The following ADAMTSL3 variants were observed in gnomAD, a reference collection of about 807,000 sequenced individuals.
ADAMTSL3 encodes the protein ADAMTS like 3.
ADAMTSL3 carries 128 observed loss-of-function variants against 201.7 expected under a neutral mutation model. That is an observed-to-expected ratio of 0.63 (90% CI 0.55 to 0.73). The LOEUF is 0.73. ADAMTSL3 is among the 30% of genes least tolerant of loss of function. ADAMTSL3 has a pLI of 0.00. For synonymous variants in ADAMTSL3, 738 were observed against 748.4 expected (o/e 0.99, Z 0.23); for missense variants, 1,990 against 2,119.6 (o/e 0.94, Z 1.20).
chr15:83,950,343 C>G (rs1400018928), intron 19 of ADAMTSL3, among the ~76,000 whole-genome samples: 1 of 152,036 alleles, frequency 6.6e-6, no homozygotes, highest in Non-Finnish European at 1.5e-5. Context: ...TCTGGGATCT[C>G]TACTCTGTTC....
At chr15:84,005,620 G>C (rs1339649603) in intron 23 of ADAMTSL3, among the ~76,000 whole-genome samples, 1 of 152,184 alleles carries the variant, frequency 6.6e-6, no homozygotes, top group Non-Finnish European at 1.5e-5. Flanking sequence ...GATATGTCTG[G>C]TGGCGTTAAA....
intron 21 of ADAMTSL3, among the ~76,000 whole-genome samples, chr15:83,986,778 A>G (rs2067485148): frequency 6.6e-6 from 1 of 152,232 alleles, no homozygotes; most frequent in Non-Finnish European, 1.5e-5. Flanking sequence ...AAGAAATCTC[A>G]ACTAGGAAGA....
At chr15:83,729,874 T>G (rs117927723) in intron 3 of ADAMTSL3, among the ~76,000 whole-genome samples, 1,785 of 152,180 alleles carry the variant, frequency 0.012, 22 homozygotes, top group Non-Finnish European at 0.018. Flanking sequence ...CTTCTCAGTT[T>G]GGGCTTGTTT....
intron 4 of ADAMTSL3, among the ~76,000 whole-genome samples, chr15:83,781,728 A>G (rs1450532795): frequency 6.6e-6 from 1 of 152,246 alleles, no homozygotes; most frequent in Non-Finnish European, 1.5e-5. Flanking sequence ...TTAAATTTAC[A>G]AGAAAAAAAC....
At chr15:83,732,662 T>C (rs531553970) in intron 3 of ADAMTSL3, among the ~76,000 whole-genome samples, 1 of 152,282 alleles carries the variant, frequency 6.6e-6, no homozygotes, top group Admixed American at 6.5e-5. Context: ...AACTAGTTGA[T>C]TACATTCCAT....
At position 83,860,812 on chromosome 15, in the gene ADAMTSL3, A is replaced by G. The variant is rs533975378; in HGVS notation, c.802+1972A>G. ...TTCCTCTCTCTGGGGAGTGTCGGAG[A>G]GTGGGTGCAGGACAGTAGGTGCAGC... On this transcript the variant is annotated intron_variant, in intron 8 of 29. Coordinates refer to ENST00000286744, the MANE Select transcript of ADAMTSL3 (RefSeq NM_207517.3). Among the ~76,000 whole-genome samples, 155 of 152,258 alleles carry G rather than the reference A, an allele frequency of 1.0e-3. No homozygotes were observed. The East Asian group carries it at 0.022, about 22-fold the overall frequency.
At chr15:83,909,594 G>A (rs761119661) in intron 15 of ADAMTSL3, among the ~76,000 whole-genome samples, 6 of 151,970 alleles carry the variant, frequency 3.9e-5, no homozygotes, top group African/African-American at 7.3e-5. Flanking sequence ...TCTATTTAAA[G>A]TGCACCATCA....
intron 2 of ADAMTSL3, among the ~76,000 whole-genome samples, chr15:83,675,882 T>C (rs950778121): frequency 6.6e-6 from 1 of 152,138 alleles, no homozygotes; most frequent in Non-Finnish European, 1.5e-5. Context: ...CTGTGTAGAA[T>C]TGTTTGTTGC....
At chr15:83,957,025 A>G (rs2066875740) in intron 19 of ADAMTSL3, among the ~76,000 whole-genome samples, 1 of 152,204 alleles carries the variant, frequency 6.6e-6, no homozygotes, top group Admixed American at 6.5e-5. Context: ...AAAAATGCCC[A>G]ATAAAGGTGT....
At chr15:83,715,324 A>G (rs1383407193) in intron 3 of ADAMTSL3, among the ~76,000 whole-genome samples, 5 of 152,152 alleles carry the variant, frequency 3.3e-5, no homozygotes, top group African/African-American at 1.2e-4. Context: ...CACATGCATG[A>G]TTATTTTGGA....
At chr15:83,822,604 G>A (rs926627432) in intron 6 of ADAMTSL3, among the ~76,000 whole-genome samples, 3 of 150,596 alleles carry the variant, frequency 2.0e-5, no homozygotes, top group South Asian at 2.1e-4. Context: ...ATGGGCGGCC[G>A]GGCAGAGACG....
chr15:83,994,699 C>T lies in ADAMTSL3; in HGVS notation c.3973+3485C>T, dbSNP rs145005308. Among the ~76,000 whole-genome samples the T allele has an allele frequency of 2.5e-3, 348 of 138,114 alleles. 2 individuals carry two copies. The highest frequency in any genetic ancestry group is 9.0e-3 in the African/African-American group (335 of 37,384). The allele number at this position is 138,114 out of a possible 152,430, so 90.6% of individuals were successfully genotyped here. On this transcript the variant is annotated intron_variant, in intron 23 of 29. Coordinates refer to ENST00000286744, the MANE Select transcript of ADAMTSL3 (RefSeq NM_207517.3). ...GCAATCTCTGCCTCCCAGGTTCAAACGATTCTCCTACCTCAGCCTCCCAAA... is the reference window on the plus strand; with the variant it reads ...GCAATCTCTGCCTCCCAGGTTCAAATGATTCTCCTACCTCAGCCTCCCAAA...
rs113419770 is a variant in ADAMTSL3 at position 83,743,881 on chromosome 15, G to A, written c.190-29642G>A. Among the ~76,000 whole-genome samples the A allele has an allele frequency of 4.4e-4, 66 of 150,916 alleles. 1 individual carries two copies. Among genetic ancestry groups the A allele is most frequent in the African/African-American group, 1.6e-3 (66 of 41,114 alleles). On this transcript the variant is annotated intron_variant, in intron 3 of 29. Transcript: ENST00000286744. ...TCTTTTTAATTTTTTTTTTTGATAT[G>A]GCGTCTGTTGCCCAGGCGGAGTGCA...
intron 4 of ADAMTSL3, among the ~76,000 whole-genome samples, chr15:83,782,285 C>T (rs531725084): frequency 2.6e-5 from 4 of 151,914 alleles, no homozygotes; most frequent in South Asian, 2.1e-4. Flanking sequence ...CAGACCAGCC[C>T]GGCAAACATG....
intron 6 of ADAMTSL3, among the ~76,000 whole-genome samples, chr15:83,837,457 G>A (rs757715980): frequency 1.1e-4 from 17 of 151,956 alleles, no homozygotes; most frequent in Non-Finnish European, 2.2e-4. Flanking sequence ...GAGAGGAAAC[G>A]TCTGTAATGT....
At chr15:83,856,334 A>G (rs1384861084) in intron 7 of ADAMTSL3, among the ~76,000 whole-genome samples, 1 of 150,148 alleles carries the variant, frequency 6.7e-6, no homozygotes, top group Non-Finnish European at 1.5e-5. Context: ...TACCCACATT[A>G]AAAAAAAATT....
chr15:83,997,677 A>G (rs997719841), intron 23 of ADAMTSL3, among the ~76,000 whole-genome samples: 1 of 152,204 alleles, frequency 6.6e-6, no homozygotes, highest in Non-Finnish European at 1.5e-5. Flanking sequence ...GCAACTATTA[A>G]TGTCCATTAA....
chr15:83,781,769 C>T (rs931169279), intron 4 of ADAMTSL3, among the ~76,000 whole-genome samples: 1 of 152,008 alleles, frequency 6.6e-6, no homozygotes, highest in African/African-American at 2.4e-5. Context: ...GGGCAAAGGA[C>T]ATGAACAGAC....
intron 12 of ADAMTSL3, among the ~76,000 whole-genome samples, chr15:83,892,353 A>G (rs2065519998): frequency 6.6e-6 from 1 of 151,266 alleles, no homozygotes; most frequent in Admixed American, 6.6e-5. Flanking sequence ...AACATTGTGA[A>G]ACCCTGTCTA....
Sources: gnomAD v4.1 joint callset for allele counts (sites outside exome capture counted in the v4.1 genomes callset) on GRCh38, gnomAD v4.1.1 for gene constraint, MANE v1.5 for transcripts, NCBI Gene and HGNC (gene_info 2026-07-23, HGNC 2026-07-21) for gene names.